The following MSRA variants were observed in gnomAD, a reference collection of about 807,000 sequenced individuals.
MSRA encodes methionine sulfoxide reductase A.
MSRA carries 54 observed loss-of-function variants against 31.3 expected under a neutral mutation model. That is an observed-to-expected ratio of 1.73 (90% CI 1.39 to 2.17). The LOEUF (loss-of-function observed/expected upper bound fraction) is 2.17. MSRA is among the 30% of genes most tolerant of loss of function. The pLI is 0.00. For synonymous variants in MSRA, 169 were observed against 116.5 expected, an observed-to-expected ratio of 1.45 and a Z score of -2.90; for missense variants, 507 against 300.9, an observed-to-expected ratio of 1.69 and a Z score of -5.07.
At chr8:10,311,865 C>T (rs1801452864) in intron 4 of MSRA, among the ~76,000 whole-genome samples, 1 of 152,106 alleles carries the variant, frequency 6.6e-6, no homozygotes, top group Non-Finnish European at 1.5e-5. Context: ...TGCAGTGAGC[C>T]ATGATTGTGC....
intron 1 of MSRA, among the ~76,000 whole-genome samples, chr8:10,199,536 C>T (rs941380408): frequency 2.6e-5 from 4 of 151,690 alleles, no homozygotes; most frequent in Non-Finnish European, 2.9e-5. Flanking sequence ...GCCAGGATGG[C>T]GTCGCTCTCT....
chr8:10,285,873 G>T (rs1799908108), intron 3 of MSRA, among the ~76,000 whole-genome samples: 1 of 152,110 alleles, frequency 6.6e-6, no homozygotes, highest in Non-Finnish European at 1.5e-5. Context: ...AAACAAAGCT[G>T]TATTTCTTCT....
chr8:10,355,957 G>A (rs1804483992), intron 5 of MSRA, among the ~76,000 whole-genome samples: 1 of 152,178 alleles, frequency 6.6e-6, no homozygotes, highest in Non-Finnish European at 1.5e-5. Flanking sequence ...ATTGAGGAAG[G>A]GGTCTGTTCA....
At chr8:10,379,972 A>G (rs547091699) in intron 5 of MSRA, among the ~76,000 whole-genome samples, 1 of 152,336 alleles carries the variant, frequency 6.6e-6, no homozygotes, top group East Asian at 1.9e-4. Context: ...ACGATACGAG[A>G]GGGTGGGCCT....
At chr8:10,289,929 A>G (rs1289592658) in intron 3 of MSRA, among the ~76,000 whole-genome samples, 1 of 152,200 alleles carries the variant, frequency 6.6e-6, no homozygotes, top group African/African-American at 2.4e-5. Context: ...GAGTTATAAG[A>G]TTTGATTACC....
chr8:10,425,714 G>T (rs559165316), intron 5 of MSRA, among the ~76,000 whole-genome samples: 1 of 152,244 alleles, frequency 6.6e-6, no homozygotes, highest in Non-Finnish European at 1.5e-5. Flanking sequence ...TGTCAGCCGC[G>T]GAGTGGGTAG....
rs375322603 is a variant in MSRA at position 10,283,802 on chromosome 8, CATATATATAT to C, written c.332-17706_332-17697del. ...TTTTTGGTTGAGTAGTATTCTATCTCATATATATATATATATATATATATATATATATATA... is the reference window on the plus strand; with the variant it reads ...TTTTTGGTTGAGTAGTATTCTATCTCATATATATATATATATATATATATA... On this transcript the variant is annotated intron_variant, in intron 3 of 5. Coordinates refer to ENST00000317173, the MANE Select transcript of MSRA (RefSeq NM_012331.5). Among the ~76,000 whole-genome samples the C allele has an allele frequency of 1.2e-3, 56 of 46,158 alleles. 1 individual carries two copies. The East Asian group carries it at 0.012, about 10-fold the overall frequency. The allele number at this position is 46,158 out of a possible 152,430, so 30.3% of individuals were successfully genotyped here. A position where few individuals can be genotyped will look rare whatever the true frequency, so the allele number is the denominator to read the frequency against.
chr8:10,416,945 T>TCTGAAGACA (rs1808497107), intron 5 of MSRA, among the ~76,000 whole-genome samples: 1 of 152,112 alleles, frequency 6.6e-6, no homozygotes, highest in South Asian at 2.1e-4. Flanking sequence ...TCCTTAGCAG[T>TCTGAAGACA]CTGAAGACAC....
At chr8:10,259,351 C>T (rs975967964) in intron 3 of MSRA, among the ~76,000 whole-genome samples, 1 of 152,058 alleles carries the variant, frequency 6.6e-6, no homozygotes, top group Non-Finnish European at 1.5e-5. Context: ...CTGTAAATAT[C>T]GAGCCTATAA....
chr8:10,335,810 C>T (rs187964428), intron 5 of MSRA, among the ~76,000 whole-genome samples: 1 of 152,336 alleles, frequency 6.6e-6, no homozygotes, highest in African/African-American at 2.4e-5. Flanking sequence ...GTGCAGAAAG[C>T]ACTTTCACAA....
At chr8:10,318,215 T>A (rs1240197240) in intron 4 of MSRA, among the ~76,000 whole-genome samples, 1 of 152,224 alleles carries the variant, frequency 6.6e-6, no homozygotes, top group Non-Finnish European at 1.5e-5. Flanking sequence ...ATTTACCTGC[T>A]ATGTGACCTC....
chr8:10,125,208 T>G (rs1012590859), intron 1 of MSRA, among the ~76,000 whole-genome samples: 4 of 152,200 alleles, frequency 2.6e-5, no homozygotes, highest in African/African-American at 9.6e-5. Flanking sequence ...GGGACAACTT[T>G]CTGGCTAGGT....
intron 1 of MSRA, chr8:10,096,001 T>C: frequency 6.9e-7 from 1 of 1,442,598 alleles, no homozygotes; most frequent in Non-Finnish European, 9.2e-7. Flanking sequence ...AAACCTGCTT[T>C]CAAATCAAAT....
intron 5 of MSRA, among the ~76,000 whole-genome samples, chr8:10,344,724 C>T (rs1803662725): frequency 6.6e-6 from 1 of 151,842 alleles, no homozygotes; most frequent in African/African-American, 2.4e-5. Context: ...CTCAGGTTTG[C>T]ATGTCAGGGA....
chr8:10,248,315 A>G (rs1328854705), intron 3 of MSRA, among the ~76,000 whole-genome samples: 2 of 152,232 alleles, frequency 1.3e-5, no homozygotes, highest in African/African-American at 2.4e-5. Context: ...ATAAAGCGGT[A>G]TGCTTGAGCT....
intron 3 of MSRA, among the ~76,000 whole-genome samples, chr8:10,246,384 G>T (rs1797624364): frequency 6.6e-6 from 1 of 152,070 alleles, no homozygotes; most frequent in Non-Finnish European, 1.5e-5. Context: ...TTCCTTTCCT[G>T]CCAGCTCAGA....
intron 1 of MSRA, among the ~76,000 whole-genome samples, chr8:10,196,513 G>A (rs540584022): frequency 1.8e-4 from 27 of 152,192 alleles, no homozygotes; most frequent in East Asian, 5.8e-4. Flanking sequence ...GCCCCTACAC[G>A]TCTTTGAAGG....
At chr8:10,067,930 C>A (rs905707722) in intron 1 of MSRA, among the ~76,000 whole-genome samples, 2 of 117,652 alleles carry the variant, frequency 1.7e-5, no homozygotes, top group Admixed American at 1.3e-4. Flanking sequence ...ATTGCCCAGG[C>A]TGGAGTGCAG....
chr8:10,084,314 T>C (rs528060389), intron 1 of MSRA, among the ~76,000 whole-genome samples: 36 of 152,394 alleles, frequency 2.4e-4, no homozygotes, highest in African/African-American at 8.2e-4. Context: ...GGGGCCCAGC[T>C]CCTGCTTTGC....
Sources: gnomAD v4.1 joint callset for allele counts (sites outside exome capture counted in the v4.1 genomes callset) on GRCh38, gnomAD v4.1.1 for gene constraint, MANE v1.5 for transcripts, NCBI Gene and HGNC (gene_info 2026-07-23, HGNC 2026-07-21) for gene names.